The following TTLL11 variants were observed in gnomAD, a reference collection of about 807,000 sequenced individuals.
The protein encoded by TTLL11 is tubulin polyglutamylase TTLL11.
A neutral mutation model predicts 51.7 loss-of-function variants in TTLL11; 42 were observed. The ratio of observed to expected loss-of-function variants is 0.81; its 90% CI spans 0.64 to 1.05. The LOEUF (loss-of-function observed/expected upper bound fraction) is 1.05, where lower values mean the gene tolerates loss of function less well. Among genes scored for constraint, TTLL11 ranks in the 50% least tolerant of loss-of-function variants. The pLI is 0.00. For missense variants in TTLL11, 799 were observed against 940.4 expected (o/e 0.85, Z 1.97); for synonymous variants, 381 against 383.5 (o/e 0.99, Z 0.08).
At chr9:121,970,965 A>G (rs542163544) in intron 6 of TTLL11, among the ~76,000 whole-genome samples, 1 of 152,174 alleles carries the variant, frequency 6.6e-6, no homozygotes, top group Non-Finnish European at 1.5e-5. Context: ...CCCATCAATG[A>G]TAGACTGGAT....
chr9:121,939,969 G>T (rs7038673), intron 6 of TTLL11, among the ~76,000 whole-genome samples: 56,682 of 151,940 alleles, frequency 0.37, 10,859 homozygotes, highest in East Asian at 0.58. Flanking sequence ...GACGAGAGGT[G>T]AGTGAATCTC....
chr9:122,010,183 G>A (rs1023689758), intron 3 of TTLL11, among the ~76,000 whole-genome samples: 2 of 152,048 alleles, frequency 1.3e-5, no homozygotes, highest in African/African-American at 4.8e-5. Context: ...TTTAACACAA[G>A]TCTCTTTCCT....
At chr9:121,880,845 G>A (rs1240429292) in intron 6 of TTLL11, among the ~76,000 whole-genome samples, 4 of 152,262 alleles carry the variant, frequency 2.6e-5, no homozygotes, top group Non-Finnish European at 2.9e-5. Context: ...ACGCTGAAGC[G>A]TGGGAAGGTT....
At chr9:121,917,111 G>A (rs774335066) in intron 6 of TTLL11, among the ~76,000 whole-genome samples, 1 of 152,142 alleles carries the variant, frequency 6.6e-6, no homozygotes, top group Non-Finnish European at 1.5e-5. Flanking sequence ...ACTGGTTTAT[G>A]TTTAGGGCTT....
At chr9:122,031,657 C>T in intron 3 of TTLL11, 66 bp downstream of exon 3, 2 of 1,562,634 alleles carry the variant, frequency 1.3e-6, no homozygotes, top group Non-Finnish European at 1.7e-6. Context: ...TCCCAGCACA[C>T]AGGACCCAGG....
intron 6 of TTLL11, among the ~76,000 whole-genome samples, chr9:121,874,600 A>G (rs1045054270): frequency 3.9e-5 from 6 of 152,090 alleles, no homozygotes; most frequent in Non-Finnish European, 8.8e-5. Flanking sequence ...TGGTATTAAG[A>G]GTGTTTTCAT....
intron 8 of TTLL11, among the ~76,000 whole-genome samples, chr9:121,827,833 C>G (rs1234362986): frequency 1.3e-5 from 2 of 152,128 alleles, no homozygotes; most frequent in Non-Finnish European, 2.9e-5. Context: ...GAGGAGGAGT[C>G]AGCGCACTCA....
chr9:122,025,418 A>G (rs1335648430), intron 3 of TTLL11, among the ~76,000 whole-genome samples: 1 of 152,192 alleles, frequency 6.6e-6, no homozygotes, highest in African/African-American at 2.4e-5. Context: ...GGATCGCTTG[A>G]GCTCAGGAGT....
At chr9:121,975,726 CA>C (rs1267735955) in intron 4 of TTLL11, among the ~76,000 whole-genome samples, 1 of 151,930 alleles carries the variant, frequency 6.6e-6, no homozygotes, top group East Asian at 1.9e-4. Context: ...AACAAACAAA[CA>C]AACAAAAAAA....
In TTLL11 at chr9:122,092,897, C is replaced by A; in HGVS notation, c.252G>T (p.Pro84=). ...EEGNTQVLQR[P]PPTLPPSKPK... ...GCTTGGACGGGGGCAGCGTGGGCGG[C>A]GGCCGCTGAAGGACCTGGGTGTTCC... is the stretch of plus-strand genomic sequence containing the variant. The change falls in exon 1 of 9, where the codon CCG becomes CCT. Residue 84 remains proline, a synonymous_variant. Coordinates refer to ENST00000321582, the MANE Select transcript of TTLL11 (RefSeq NM_001139442.2). The A allele has an allele frequency of 6.4e-7, 1 of 1,568,366 alleles. No individual in the cohort carries two copies. The highest frequency in any genetic ancestry group is 8.6e-7 in the Non-Finnish European group (1 of 1,165,432).
chr9:121,872,694 G>C (rs1838397776), intron 6 of TTLL11, among the ~76,000 whole-genome samples: 2 of 152,154 alleles, frequency 1.3e-5, no homozygotes, highest in East Asian at 1.9e-4. Flanking sequence ...CCTATTCCCG[G>C]TTCCTCCTTA....
At chr9:121,885,126 A>G (rs1320214838) in intron 6 of TTLL11, 1 of 152,160 alleles carries the variant, frequency 6.6e-6, no homozygotes, top group Non-Finnish European at 1.5e-5. Flanking sequence ...CTGGAAGTCC[A>G]ACACCTGCCA....
chr9:122,030,238 G>A (rs1844498150), intron 3 of TTLL11, among the ~76,000 whole-genome samples: 1 of 149,766 alleles, frequency 6.7e-6, no homozygotes, highest in African/African-American at 2.5e-5. Flanking sequence ...ACAGCTGAGA[G>A]TTATCTTTTA....
At chr9:122,006,209 CG>C (rs1843637887) in intron 3 of TTLL11, among the ~76,000 whole-genome samples, 1 of 151,632 alleles carries the variant, frequency 6.6e-6, no homozygotes, top group African/African-American at 2.4e-5. Context: ...GGCATGGTGG[CG>C]GGTGCCTGAA....
chr9:122,034,836 C>T (rs1245778418), intron 2 of TTLL11, among the ~76,000 whole-genome samples: 1 of 152,156 alleles, frequency 6.6e-6, no homozygotes, highest in Non-Finnish European at 1.5e-5. Context: ...GGCCCTGTCC[C>T]CTTTCCCTAA....
At position 121,914,513 on chromosome 9, in the gene TTLL11, C is replaced by A. The variant is rs960264381; in HGVS notation, c.1482-43765G>T. Among the ~76,000 whole-genome samples the A allele has an allele frequency of 3.9e-5, 6 of 152,306 alleles. No individual in the cohort carries two copies. The South Asian group carries it at 6.2e-4, about 16-fold the overall frequency. On this transcript the variant is annotated intron_variant, in intron 6 of 8. Coordinates refer to ENST00000321582, the MANE Select transcript of TTLL11 (RefSeq NM_001139442.2). ...CAGGGCCTTCTAATGAAATGGTAAGCCCAGATGTTATCTATCTCAGCAGCC... is the reference window on the plus strand; with the variant it reads ...CAGGGCCTTCTAATGAAATGGTAAGACCAGATGTTATCTATCTCAGCAGCC...
At chr9:121,870,274 T>C (rs78424370) in intron 7 of TTLL11, among the ~76,000 whole-genome samples, 1 of 152,196 alleles carries the variant, frequency 6.6e-6, no homozygotes, top group African/African-American at 2.4e-5. Context: ...TTTTAAATCA[T>C]GAACATAAGG....
rs907066065 is a variant in TTLL11, at chr9:121,817,613, C to T, written c.*4974G>A. 6.6e-5 allele frequency: 10 copies of T among 152,292 alleles called. No individual in the cohort carries two copies. 9.4% of individuals were successfully genotyped at this position (152,292 alleles called of 1,614,324 possible). On this transcript the variant is annotated 3_prime_UTR_variant, in exon 9 of 9. Coordinates refer to ENST00000321582, the MANE Select transcript of TTLL11 (RefSeq NM_001139442.2). ...CAGATCAGAGAGCCTCAAGCTAAGTCCCCAGAACTGAGTGGAGCAAACACC... is the reference window on the plus strand; with the variant it reads ...CAGATCAGAGAGCCTCAAGCTAAGTTCCCAGAACTGAGTGGAGCAAACACC...
At chr9:122,080,319 T>C (rs899037630) in intron 1 of TTLL11, among the ~76,000 whole-genome samples, 2 of 152,220 alleles carry the variant, frequency 1.3e-5, no homozygotes, top group Admixed American at 6.5e-5. Flanking sequence ...TGGCCATATA[T>C]TCCAAAAGCC....
Sources: gnomAD v4.1 joint callset for allele counts (sites outside exome capture counted in the v4.1 genomes callset) on GRCh38, gnomAD v4.1.1 for gene constraint, MANE v1.5 for transcripts, NCBI Gene and HGNC (gene_info 2026-07-23, HGNC 2026-07-21) for gene names.